The following SPATA16 variants were observed in gnomAD, a reference collection of about 807,000 sequenced individuals.
SPATA16 encodes spermatogenesis associated 16.
Under a neutral mutation model 63.3 loss-of-function variants are expected in SPATA16, and 36 were observed. That is an observed-to-expected ratio of 0.57 (90% CI 0.44 to 0.75). The LOEUF is 0.75. Among genes scored for constraint, SPATA16 ranks in the 30% least tolerant of loss-of-function variants. The pLI is 0.00. For synonymous variants in SPATA16, 203 were observed against 216.7 expected (o/e 0.94, Z 0.56); for missense variants, 646 against 679.3 (o/e 0.95, Z 0.54).
intron 2 of SPATA16, among the ~76,000 whole-genome samples, chr3:173,105,460 G>A (rs1038887759): frequency 6.6e-6 from 1 of 152,166 alleles, no homozygotes; most frequent in Non-Finnish European, 1.5e-5. Context: ...GAGTCCATGA[G>A]GAGTAACGTA....
At chr3:173,088,007 C>CTTCTTTCT (rs1553801607) in intron 2 of SPATA16, among the ~76,000 whole-genome samples, 2 of 118,310 alleles carry the variant, frequency 1.7e-5, no homozygotes, top group Non-Finnish European at 1.8e-5. Flanking sequence ...ATTTTCTTTC[C>CTTCTTTCT]GTCTTTCTTT....
intron 2 of SPATA16, among the ~76,000 whole-genome samples, chr3:173,108,594 C>T (rs139557192): frequency 4.8e-4 from 73 of 152,156 alleles, no homozygotes; most frequent in African/African-American, 1.7e-3. Context: ...TGGGTTTGGG[C>T]ATCTGTGTAT....
At chr3:173,051,493 G>A (rs926279673) in intron 2 of SPATA16, among the ~76,000 whole-genome samples, 1 of 152,106 alleles carries the variant, frequency 6.6e-6, no homozygotes, top group Non-Finnish European at 1.5e-5. Flanking sequence ...GAGCCACCGT[G>A]CCCAGCCAAT....
chr3:172,952,361 T>G (rs892190273), intron 6 of SPATA16, among the ~76,000 whole-genome samples: 1 of 152,168 alleles, frequency 6.6e-6, no homozygotes, highest in African/African-American at 2.4e-5. Context: ...TAAAGAGAGA[T>G]AACTGTTTTT....
chr3:172,889,514 G>T lies in SPATA16; in HGVS notation c.*56C>A. 2 of 1,609,654 alleles carry T rather than the reference G, an allele frequency of 1.2e-6. No homozygotes were observed. Among genetic ancestry groups the T allele is most frequent in the East Asian group, 2.2e-5 (1 of 44,860 alleles). The stretch of plus-strand genomic sequence containing the variant: ...ACAGTACTAGGTGGGCATTGGAGTG[G>T]ATGCCCTTGCCTCTTCTTCTGGGAT... On this transcript the variant is annotated 3_prime_UTR_variant, in exon 11 of 11. Coordinates refer to ENST00000351008, the MANE Select transcript of SPATA16 (RefSeq NM_031955.6).
At chr3:173,041,812 G>C (rs1342856037) in intron 3 of SPATA16, among the ~76,000 whole-genome samples, 1 of 151,984 alleles carries the variant, frequency 6.6e-6, no homozygotes, top group Admixed American at 6.6e-5. Flanking sequence ...TTGCGGGATG[G>C]GGGCGGGGGA....
At chr3:173,052,617 A>T (rs1406782352) in intron 2 of SPATA16, among the ~76,000 whole-genome samples, 1 of 152,236 alleles carries the variant, frequency 6.6e-6, no homozygotes, top group African/African-American at 2.4e-5. Flanking sequence ...TGTAGACAAA[A>T]TGTTGGCATC....
At chr3:173,059,339 CT>C (rs11326294) in intron 2 of SPATA16, among the ~76,000 whole-genome samples, 56,047 of 145,534 alleles carry the variant, frequency 0.39, 11,208 homozygotes, top group African/African-American at 0.51. Context: ...TTACTAATGT[CT>C]TTTTTTTTGG....
At chr3:172,949,681 TCG>T (rs1733382482) in intron 6 of SPATA16, among the ~76,000 whole-genome samples, 1 of 152,048 alleles carries the variant, frequency 6.6e-6, no homozygotes, top group Non-Finnish European at 1.5e-5. Flanking sequence ...GAGAACTCCG[TCG>T]CCTGCTAAAA....
chr3:173,090,126 G>A (rs778667150), intron 2 of SPATA16, among the ~76,000 whole-genome samples: 19 of 152,142 alleles, frequency 1.2e-4, no homozygotes, highest in Admixed American at 3.9e-4. Context: ...GTTGAAAGTA[G>A]GGCTTGGTGA....
chr3:172,898,211 C>A (rs183935507), intron 10 of SPATA16, among the ~76,000 whole-genome samples: 1 of 151,806 alleles, frequency 6.6e-6, no homozygotes, highest in South Asian at 2.1e-4. Flanking sequence ...AGATTTTTTG[C>A]GTACTATTTT....
At chr3:173,090,709 A>C (rs1431657239) in intron 2 of SPATA16, among the ~76,000 whole-genome samples, 1 of 152,198 alleles carries the variant, frequency 6.6e-6, no homozygotes, top group African/African-American at 2.4e-5. Flanking sequence ...GCAGTTTGTC[A>C]TGCTCCTTGG....
chr3:173,073,330 T>A (rs553459589), intron 2 of SPATA16, among the ~76,000 whole-genome samples: 1 of 152,302 alleles, frequency 6.6e-6, no homozygotes, highest in East Asian at 1.9e-4. Flanking sequence ...GTCAAGACAA[T>A]GGGAAAAATG....
At chr3:172,917,078 A>G (rs541798582) in intron 8 of SPATA16, among the ~76,000 whole-genome samples, 7 of 152,252 alleles carry the variant, frequency 4.6e-5, no homozygotes, top group Admixed American at 3.3e-4. Flanking sequence ...AACAACTAAC[A>G]TGTTCCATCT....
chr3:172,985,522 G>A (rs1296283958), intron 4 of SPATA16, among the ~76,000 whole-genome samples: 2 of 152,052 alleles, frequency 1.3e-5, no homozygotes, highest in Non-Finnish European at 2.9e-5. Context: ...AAAATATCAG[G>A]CATTTTATAT....
intron 4 of SPATA16, among the ~76,000 whole-genome samples, chr3:172,986,819 A>G (rs985860489): frequency 4.6e-5 from 7 of 152,130 alleles, no homozygotes; most frequent in African/African-American, 1.7e-4. Context: ...TAGAGGATGT[A>G]TTTGAGTGAG....
chr3:173,052,045 A>G (rs999669150), intron 2 of SPATA16, among the ~76,000 whole-genome samples: 4 of 151,926 alleles, frequency 2.6e-5, no homozygotes, highest in Non-Finnish European at 5.9e-5. Context: ...TCCTGACCTC[A>G]GGTTATCCAC....
intron 2 of SPATA16, among the ~76,000 whole-genome samples, chr3:173,066,470 C>T (rs577396769): frequency 6.6e-6 from 1 of 152,274 alleles, no homozygotes; most frequent in Non-Finnish European, 1.5e-5. Context: ...TGGAGAGACT[C>T]CTGACTGGGG....
At chr3:172,906,531 G>T (rs777082328) in intron 10 of SPATA16, among the ~76,000 whole-genome samples, 1 of 151,810 alleles carries the variant, frequency 6.6e-6, no homozygotes, top group Non-Finnish European at 1.5e-5. Context: ...ACTTTGGTTG[G>T]AGGTCACCTT....
Sources: allele counts gnomAD v4.1 joint callset (sites outside exome capture counted in the v4.1 genomes callset), GRCh38; gene constraint gnomAD v4.1.1; transcripts MANE v1.5; gene names NCBI Gene and HGNC (gene_info 2026-07-23, HGNC 2026-07-21).